Variants in SOX5 observed in about 807,000 individuals in gnomAD.
SOX5 encodes the protein transcription factor SOX-5.
SOX5 carries 9 observed loss-of-function variants against 92.0 expected under a neutral mutation model. That is an observed-to-expected ratio of 0.10 (90% CI 0.06 to 0.17). SOX5 has a LOEUF of 0.17. SOX5 is among the 10% of genes least tolerant of loss of function. The probability of loss-of-function intolerance (pLI) is 1.00; values close to 1 mark genes in which losing one functional copy is unlikely to be tolerated. For synonymous variants in SOX5, 344 were observed against 336.3 expected (o/e 1.02, Z -0.25); for missense variants, 642 against 944.5 (o/e 0.68, Z 4.20).
intron 3 of SOX5, among the ~76,000 whole-genome samples, chr12:24,244,049 A>T (rs1415814083): frequency 5.9e-5 from 1 of 16,918 alleles, no homozygotes. Flanking sequence ...GCATATTGAT[A>T]AAAAAAAAAA....
chr12:23,890,536 A>G (rs1229302032), intron 2 of SOX5, among the ~76,000 whole-genome samples: 1 of 152,128 alleles, frequency 6.6e-6, no homozygotes, highest in Non-Finnish European at 1.5e-5. Flanking sequence ...ATACAACCAG[A>G]CAGAAAACGG....
intron 1 of SOX5, among the ~76,000 whole-genome samples, chr12:24,399,215 G>A (rs777518535): frequency 5.3e-5 from 8 of 151,920 alleles, no homozygotes; most frequent in Admixed American, 3.3e-4. Context: ...AGAAAAACAC[G>A]TGAGCATCTG....
chr12:23,561,381 C>T (rs1238900410), intron 11 of SOX5, among the ~76,000 whole-genome samples: 1 of 151,974 alleles, frequency 6.6e-6, no homozygotes. Context: ...ACTCCTGTTA[C>T]TTAATCAAAA....
intron 4 of SOX5, among the ~76,000 whole-genome samples, chr12:24,003,784 A>C (rs1382651146): frequency 2.0e-5 from 3 of 148,438 alleles, no homozygotes; most frequent in African/African-American, 2.4e-5. Flanking sequence ...TTTTTTGGAA[A>C]AAACTTACAA....
At chr12:23,826,418 T>C (rs11047119) in intron 3 of SOX5, among the ~76,000 whole-genome samples, 1 of 152,036 alleles carries the variant, frequency 6.6e-6, no homozygotes, top group African/African-American at 2.4e-5. Flanking sequence ...CCAGAACAAG[T>C]ATGGCTATAG....
intron 8 of SOX5, among the ~76,000 whole-genome samples, chr12:23,632,355 T>C (rs2078656006): frequency 6.6e-6 from 1 of 152,168 alleles, no homozygotes; most frequent in Non-Finnish European, 1.5e-5. Flanking sequence ...ATGAAAATGA[T>C]ACGACCTAAA....
intron 4 of SOX5, among the ~76,000 whole-genome samples, chr12:24,016,861 G>T (rs557557655): frequency 6.6e-6 from 1 of 152,198 alleles, no homozygotes; most frequent in Non-Finnish European, 1.5e-5. Context: ...CTGTGTCTCT[G>T]CTTCTAGATT....
chr12:23,801,173 C>G (rs569104193), intron 3 of SOX5, among the ~76,000 whole-genome samples: 1 of 152,120 alleles, frequency 6.6e-6, no homozygotes, highest in Non-Finnish European at 1.5e-5. Flanking sequence ...ACAGCATTAA[C>G]AGCAAAATCC....
chr12:23,599,483 G>A (rs1953073178), intron 9 of SOX5, among the ~76,000 whole-genome samples: 3 of 152,192 alleles, frequency 2.0e-5, no homozygotes, highest in Middle Eastern at 3.2e-3. Context: ...GTATGACCAG[G>A]GTCACGGCAA....
At chr12:24,314,999 C>A (rs1236627706) in intron 2 of SOX5, among the ~76,000 whole-genome samples, 1 of 152,120 alleles carries the variant, frequency 6.6e-6, no homozygotes, top group Non-Finnish European at 1.5e-5. Context: ...AAATATTCAA[C>A]AAATATTAAT....
Position 23,740,888 on chromosome 12 carries a change from C to G in SOX5, c.720G>C (p.Leu240=). 6.2e-7 allele frequency: 1 copy of G among 1,611,872 alleles called. No individual in the cohort carries two copies. Residue 240 remains leucine (L), a synonymous_variant, in exon 5 of 15, where the codon CTG becomes CTC. Transcript: ENST00000451604. The stretch of plus-strand genomic sequence containing the variant: ...TCACTTGTTCTTGTTGCTGCTTGGC[C>G]AGCTCCATTTGCTGACGCTGTTTCT... ...QIEKQRQQME[L]AKQQQEQIAR...
chr12:23,768,181 T>C (rs1310283693), intron 3 of SOX5, among the ~76,000 whole-genome samples: 1 of 152,132 alleles, frequency 6.6e-6, no homozygotes, highest in Non-Finnish European at 1.5e-5. Context: ...TAGATCAGTA[T>C]TTCATCTCAA....
intron 3 of SOX5, among the ~76,000 whole-genome samples, chr12:24,259,246 G>T (rs906215296): frequency 2.0e-5 from 3 of 151,666 alleles, no homozygotes; most frequent in African/African-American, 4.8e-5. Context: ...GCAAGTGAGC[G>T]AGAGAGAGAG....
intron 2 of SOX5, among the ~76,000 whole-genome samples, chr12:23,878,841 A>G (rs1220283704): frequency 6.6e-6 from 1 of 152,120 alleles, no homozygotes; most frequent in African/African-American, 2.4e-5. Context: ...TAATATTCAT[A>G]TATTCTATTT....
chr12:24,233,012 G>C (rs1247334536), intron 3 of SOX5, among the ~76,000 whole-genome samples: 1 of 152,158 alleles, frequency 6.6e-6, no homozygotes, highest in African/African-American at 2.4e-5. Context: ...TGTATAAGTT[G>C]AGTTGTTGAC....
At chr12:23,693,117 T>TATTA (rs34145609) in intron 6 of SOX5, among the ~76,000 whole-genome samples, 23 of 152,158 alleles carry the variant, frequency 1.5e-4, no homozygotes, top group African/African-American at 4.8e-4. Context: ...TTTTAATTAT[T>TATTA]TTATTATTGT....
At chr12:23,820,736 T>G (rs1308771119) in intron 3 of SOX5, among the ~76,000 whole-genome samples, 1 of 152,176 alleles carries the variant, frequency 6.6e-6, no homozygotes, top group East Asian at 1.9e-4. Context: ...TGTTTGTAGA[T>G]GCGTGGTATT....
At chr12:23,923,293 AAATGAATGAATG>A (rs142332141) in intron 1 of SOX5, among the ~76,000 whole-genome samples, 10 of 149,026 alleles carry the variant, frequency 6.7e-5, no homozygotes, top group Admixed American at 2.0e-4. Context: ...ACCCAAAAAT[AAATGAATGAATG>A]AATGAATGAA....
intron 7 of SOX5, among the ~76,000 whole-genome samples, chr12:23,648,091 T>A (rs2081099628): frequency 6.6e-6 from 1 of 152,146 alleles, no homozygotes; most frequent in African/African-American, 2.4e-5. Flanking sequence ...GTTTATGGCA[T>A]CCCAAAACAA....
Sources: gnomAD v4.1 joint callset for allele counts (sites outside exome capture counted in the v4.1 genomes callset) on GRCh38, gnomAD v4.1.1 for gene constraint, MANE v1.5 for transcripts, NCBI Gene and HGNC (gene_info 2026-07-23, HGNC 2026-07-21) for gene names.